OCIAD1: variants seen among roughly 807,000 people sequenced by gnomAD.
OCIAD1 encodes the protein OCIA domain containing 1.
Under a neutral mutation model 38.9 loss-of-function variants are expected in OCIAD1, and 29 were observed. The ratio of observed to expected loss-of-function variants is 0.74; its 90% CI spans 0.55 to 1.02. The LOEUF is 1.02. OCIAD1 is among the 50% of genes least tolerant of loss of function. OCIAD1 has a pLI of 0.00. For missense variants in OCIAD1, 288 were observed against 289.6 expected, an observed-to-expected ratio of 0.99 and a Z score of 0.04; for synonymous variants, 110 against 92.0, an observed-to-expected ratio of 1.20 and a Z score of -1.12.
chr4:48,823,511 T>C (rs1159012005), intron 1 of OCIAD1, among the ~76,000 whole-genome samples: 2 of 151,764 alleles, frequency 1.3e-5, no homozygotes, highest in Non-Finnish European at 2.9e-5. Context: ...TGTATACCTA[T>C]GTAACACACC....
At position 48,831,096 on chromosome 4, in the gene OCIAD1, G is replaced by T. The variant is rs892616939; in HGVS notation, c.-159G>T. 7.7e-6 allele frequency: 2 copies of T among 260,204 alleles called. No homozygotes were observed. Among genetic ancestry groups the T allele is most frequent in the Non-Finnish European group, 7.8e-6 (1 of 128,878 alleles). The allele number at this position is 260,204 out of a possible 1,614,324, so 16.1% of individuals were successfully genotyped here. On this transcript the variant is annotated 5_prime_UTR_variant, in exon 1 of 9. Transcript: ENST00000264312. ...CGGGTCGCGGTCATTTTGAGCCCCT[G>T]TCTGGATGACTTCTTGCGGCTGTTC...
At chr4:48,843,852 A>G (rs1778746887) in intron 4 of OCIAD1, among the ~76,000 whole-genome samples, 1 of 152,206 alleles carries the variant, frequency 6.6e-6, no homozygotes, top group Non-Finnish European at 1.5e-5. Context: ...TCATTTAATA[A>G]TGATTGGAGC....
At chr4:48,813,747 C>T (rs1272928898) in intron 1 of OCIAD1, among the ~76,000 whole-genome samples, 1 of 152,200 alleles carries the variant, frequency 6.6e-6, no homozygotes, top group Non-Finnish European at 1.5e-5. Context: ...TAACAGGCAT[C>T]AAACTTACTT....
intron 1 of OCIAD1, chr4:48,831,635 C>T: frequency 2.9e-6 from 3 of 1,019,500 alleles, no homozygotes; most frequent in Non-Finnish European, 4.0e-6. Flanking sequence ...TGACAGTCTT[C>T]CTGGTGTTTC....
Position 48,814,206 on chromosome 4 carries a change from A to G in OCIAD1, c.-103+8876A>G, listed in dbSNP as rs564061420. 2.7e-4 allele frequency among the ~76,000 whole-genome samples: 41 copies of G among 150,980 alleles called. 1 individual carries two copies. Among genetic ancestry groups the G allele is most frequent in the African/African-American group, 9.7e-4 (40 of 41,174 alleles). On this transcript the variant is annotated intron_variant, in intron 1 of 6. Coordinates refer to the OCIAD1 transcript ENST00000504654. ...TCTCGGTTTGATTGACAGCATGAGG[A>G]GCACTGTAGAAAGGGTCACCTCCTG...
intron 4 of OCIAD1, among the ~76,000 whole-genome samples, chr4:48,847,431 A>C (rs1305167825): frequency 6.6e-6 from 1 of 152,116 alleles, no homozygotes; most frequent in African/African-American, 2.4e-5. Flanking sequence ...CCAATTTATC[A>C]GGTTTCTTCT....
At chr4:48,835,195 A>G (rs1268335370) in intron 3 of OCIAD1, among the ~76,000 whole-genome samples, 1 of 152,106 alleles carries the variant, frequency 6.6e-6, no homozygotes, top group African/African-American at 2.4e-5. Flanking sequence ...TGGCCTCCGA[A>G]AGTGCTGGGA....
chr4:48,832,026 A>G (rs1777552881), intron 1 of OCIAD1, among the ~76,000 whole-genome samples: 1 of 152,118 alleles, frequency 6.6e-6, no homozygotes, highest in Non-Finnish European at 1.5e-5. Context: ...AATTTTATGC[A>G]TTTTTTTCTT....
intron 3 of OCIAD1, among the ~76,000 whole-genome samples, chr4:48,839,274 A>G (rs1778304288): frequency 6.6e-6 from 1 of 152,096 alleles, no homozygotes; most frequent in Non-Finnish European, 1.5e-5. Flanking sequence ...TGTCTCTACT[A>G]AAAATACAAA....
At chr4:48,834,788 G>GA (rs1028596411) in intron 3 of OCIAD1, among the ~76,000 whole-genome samples, 1 of 151,676 alleles carries the variant, frequency 6.6e-6, no homozygotes. Context: ...TCAAAGAAAA[G>GA]AAAAAAAGGG....
intron 6 of OCIAD1, among the ~76,000 whole-genome samples, chr4:48,850,326 C>T (rs1223876550): frequency 1.3e-5 from 2 of 152,120 alleles, no homozygotes; most frequent in Non-Finnish European, 2.9e-5. Context: ...TGGCATGATC[C>T]TAGCTCACTG....
intron 6 of OCIAD1, 138 bp downstream of exon 6, chr4:48,850,220 C>T: frequency 1.2e-6 from 1 of 850,126 alleles, no homozygotes; most frequent in Non-Finnish European, 1.9e-6. Context: ...AAGTAATTTG[C>T]TTCAAAAATT....
rs1007280221 is a variant in OCIAD1, at chr4:48,857,331, C to T, written c.666C>T (p.Val222=). ...TAACACAAAAGACTGACCCCTCAGTCAGGCCTATGCATGAAAGAGTGCCAA... is the reference window on the plus strand; with the variant it reads ...TAACACAAAAGACTGACCCCTCAGTTAGGCCTATGCATGAAAGAGTGCCAA... ...VSLTQKTDPS[V]RPMHERVPKK... is the part of the protein sequence containing the mutation. Residue 222 remains valine, a synonymous_variant, in exon 8 of 9, where the codon GTC becomes GTT. Coordinates refer to ENST00000264312, the MANE Select transcript of OCIAD1 (RefSeq NM_017830.4). 18 of 1,583,104 alleles carry T rather than the reference C, an allele frequency of 1.1e-5. No homozygotes were observed. The highest frequency in any genetic ancestry group is 6.8e-5 in the African/African-American group (5 of 73,312).
At chr4:48,811,440 C>T (rs1476500856) in intron 1 of OCIAD1, among the ~76,000 whole-genome samples, 1 of 152,212 alleles carries the variant, frequency 6.6e-6, no homozygotes, top group Non-Finnish European at 1.5e-5. Context: ...TATACTCCAC[C>T]ATTCTTTTCC....
intron 1 of OCIAD1, among the ~76,000 whole-genome samples, chr4:48,824,234 G>A (rs560430752): frequency 2.6e-5 from 4 of 152,024 alleles, no homozygotes; most frequent in African/African-American, 9.7e-5. Flanking sequence ...CACCTGCCTT[G>A]GCCTCCCAAA....
At chr4:48,811,427 C>A (rs542588635) in intron 1 of OCIAD1, among the ~76,000 whole-genome samples, 1 of 152,216 alleles carries the variant, frequency 6.6e-6, no homozygotes, top group Non-Finnish European at 1.5e-5. Context: ...TTCCTCCAGA[C>A]CTTATACTCC....
intron 3 of OCIAD1, among the ~76,000 whole-genome samples, chr4:48,839,116 G>A (rs749984595): frequency 6.6e-6 from 1 of 152,130 alleles, no homozygotes; most frequent in Non-Finnish European, 1.5e-5. Flanking sequence ...TGTACTACTA[G>A]TTTTCAAATG....
intron 1 of OCIAD1, among the ~76,000 whole-genome samples, chr4:48,808,618 A>G (rs574327201): frequency 1.8e-4 from 28 of 152,192 alleles, no homozygotes; most frequent in Non-Finnish European, 4.0e-4. Flanking sequence ...CCATTCCTCC[A>G]CATGAAAACA....
chr4:48,843,221 C>A (rs554786576), intron 4 of OCIAD1, among the ~76,000 whole-genome samples: 1 of 152,072 alleles, frequency 6.6e-6, no homozygotes, highest in Non-Finnish European at 1.5e-5. Context: ...GTCCTAAAGT[C>A]TATTGGCTCA....
Sources: allele counts gnomAD v4.1 joint callset (sites outside exome capture counted in the v4.1 genomes callset), GRCh38; gene constraint gnomAD v4.1.1; transcripts MANE v1.5; gene names NCBI Gene and HGNC (gene_info 2026-07-23, HGNC 2026-07-21).